POLK: variants seen among roughly 807,000 people sequenced by gnomAD.
POLK encodes the protein DNA polymerase kappa.
A neutral mutation model predicts 94.0 loss-of-function variants in POLK; 76 were observed. The ratio of observed to expected loss-of-function variants is 0.81; its 90% confidence interval spans 0.67 to 0.98. The LOEUF is 0.98. Ranked by LOEUF, POLK falls within the 50% of genes least tolerant of loss-of-function variation. POLK has a pLI of 0.00. For synonymous variants in POLK, 349 were observed against 325.4 expected (o/e 1.07, Z -0.78); for missense variants, 954 against 1,010.1 (o/e 0.94, Z 0.75).
intron 4 of POLK, among the ~76,000 whole-genome samples, chr5:75,570,433 A>G (rs377670103): frequency 6.6e-6 from 1 of 152,210 alleles, no homozygotes; most frequent in African/African-American, 2.4e-5. Flanking sequence ...ATTTATTACT[A>G]TTGTTGCACT....
intron 1 of POLK, among the ~76,000 whole-genome samples, chr5:75,523,995 T>G (rs138797731): frequency 0.012 from 1,834 of 152,146 alleles, 36 homozygotes; most frequent in African/African-American, 0.043. Context: ...CCAGATGTGC[T>G]GGCGGGCACC....
intron 1 of POLK, among the ~76,000 whole-genome samples, chr5:75,542,066 A>G (rs1281434337): frequency 6.6e-6 from 1 of 152,230 alleles, no homozygotes; most frequent in Non-Finnish European, 1.5e-5. Context: ...ATTTAAATTT[A>G]TAGAGAATAA....
downstream of POLK, among the ~76,000 whole-genome samples, chr5:75,604,836 T>C (rs187801755): frequency 1.3e-5 from 2 of 152,342 alleles, no homozygotes; most frequent in African/African-American, 4.8e-5. Context: ...TAAGGACTAA[T>C]CGCTTTTGCT....
downstream of POLK, among the ~76,000 whole-genome samples, chr5:75,603,455 A>G (rs1469721899): frequency 6.6e-6 from 1 of 151,416 alleles, no homozygotes. Flanking sequence ...AGTTTTCAAA[A>G]GCTCTCAACT....
upstream of POLK, among the ~76,000 whole-genome samples, chr5:75,510,954 C>G (rs773907329): frequency 3.3e-5 from 5 of 152,172 alleles, no homozygotes; most frequent in South Asian, 1.0e-3. Flanking sequence ...AGGACAGTGC[C>G]CCTATATCCC....
At chr5:75,555,669 T>G (rs939936646) in intron 3 of POLK, among the ~76,000 whole-genome samples, 1 of 151,922 alleles carries the variant, frequency 6.6e-6, no homozygotes, top group African/African-American at 2.4e-5. Context: ...TCCCTCGGCC[T>G]CCCGAGTAGC....
chr5:75,511,621 C>T (rs1768011983), upstream of POLK: 1 of 1,476,984 alleles, frequency 6.8e-7, no homozygotes, highest in Non-Finnish European at 9.0e-7. Flanking sequence ...CCTGCCTGGC[C>T]CACTATTTAC....
chr5:75,600,636 G>A (rs1773276226), exon 15 of POLK: 1 of 152,112 alleles, frequency 6.6e-6, no homozygotes, highest in South Asian at 2.1e-4. Flanking sequence ...CCAAAAGTTA[G>A]AAATGAACCA....
intron 1 of POLK, among the ~76,000 whole-genome samples, chr5:75,540,283 ATT>A (rs1394796650): frequency 6.3e-5 from 9 of 143,402 alleles, no homozygotes; most frequent in African/African-American, 7.6e-5. Flanking sequence ...TTCTGTTGTA[ATT>A]TTTTTTTTTT....
exon 7 of POLK, chr5:75,581,433 C>A (rs1772187628): frequency 6.2e-7 from 1 of 1,613,526 alleles, no homozygotes; most frequent in East Asian, 2.2e-5. Context: ...GAAAACAACA[C>A]TGACAGCCAG....
At position 75,559,505 on chromosome 5, in the gene POLK, G is replaced by GTTTTTTTTTTTTTT. The variant is rs1561371144; in HGVS notation, c.255+6921_255+6922insTTTTTTTTTTTTTT. ...TTGGCAATTTATTGATTTGGGGTTTGTTTTTTTGTTTTGTTTTGTTTTTTT... is the reference window on the plus strand; with the variant it reads ...TTGGCAATTTATTGATTTGGGGTTTGTTTTTTTTTTTTTTTTTTTTTGTTTTGTTTTGTTTTTTT... On this transcript the variant is annotated intron_variant, in intron 3 of 14. Transcript: ENST00000241436. 3.1e-4 allele frequency among the ~76,000 whole-genome samples: 22 copies of GTTTTTTTTTTTTTT among 70,108 alleles called. 2 individuals carry two copies. The highest frequency in any genetic ancestry group is 4.6e-4 in the Non-Finnish European group (14 of 30,228). The allele number at this position is 70,108 out of a possible 152,430, so 46.0% of individuals were successfully genotyped here.
At position 75,511,802 on chromosome 5, in the gene POLK, C is replaced by A. The variant is rs1402147343; in HGVS notation, c.-126C>A. 24 of 1,551,414 alleles carry A rather than the reference C, an allele frequency of 1.5e-5. No individual in the cohort carries two copies. The highest frequency in any genetic ancestry group is 2.1e-5 in the Non-Finnish European group (24 of 1,146,866). ...ACGACGGGTAGAAAAGCAGGAGGAGCGGAGAAAGGAGAGGGCGGGGTAGGG... is the reference window on the plus strand; with the variant it reads ...ACGACGGGTAGAAAAGCAGGAGGAGAGGAGAAAGGAGAGGGCGGGGTAGGG... On this transcript the variant is annotated 5_prime_UTR_variant, in exon 1 of 15. Coordinates refer to ENST00000241436, the Ensembl canonical transcript of POLK.
At chr5:75,575,461 A>G (rs1289529029) in intron 5 of POLK, among the ~76,000 whole-genome samples, 1 of 152,206 alleles carries the variant, frequency 6.6e-6, no homozygotes, top group Non-Finnish European at 1.5e-5. Flanking sequence ...GATTACAGGC[A>G]TGAGCCATCA....
chr5:75,596,958 T>C (rs2112898557), exon 13 of POLK: 1 of 1,613,758 alleles, frequency 6.2e-7, no homozygotes, highest in Non-Finnish European at 8.5e-7. Context: ...AAAACGAAGA[T>C]GTTGGATCAT....
At chr5:75,561,204 T>A (rs1363734672) in intron 3 of POLK, among the ~76,000 whole-genome samples, 1 of 152,214 alleles carries the variant, frequency 6.6e-6, no homozygotes, top group Non-Finnish European at 1.5e-5. Flanking sequence ...ATGATTGCCA[T>A]TCTAACTGGT....
chr5:75,598,895 G>A (rs956896526), exon 15 of POLK: 4 of 152,036 alleles, frequency 2.6e-5, no homozygotes, highest in African/African-American at 9.7e-5. Flanking sequence ...ATAGTAGTTA[G>A]CTTAAGTAGT....
intron 10 of POLK, 104 bp downstream of exon 10, chr5:75,587,162 C>A: frequency 1.4e-6 from 1 of 699,850 alleles, no homozygotes; most frequent in Non-Finnish European, 2.4e-6. Context: ...AATCTATTTG[C>A]AAATTACTAT....
At chr5:75,543,540 T>C (rs1166983508) in intron 1 of POLK, among the ~76,000 whole-genome samples, 2 of 152,046 alleles carry the variant, frequency 1.3e-5, no homozygotes, top group Non-Finnish European at 2.9e-5. Flanking sequence ...ATGGAGCTGG[T>C]TGGAGGGGAT....
At chr5:75,583,632 A>T (rs1447853352) in intron 8 of POLK, among the ~76,000 whole-genome samples, 1 of 152,194 alleles carries the variant, frequency 6.6e-6, no homozygotes, top group Non-Finnish European at 1.5e-5. Context: ...TTAAGAAAGT[A>T]ATAATCAGAT....
Sources: gnomAD v4.1 joint callset for allele counts (sites outside exome capture counted in the v4.1 genomes callset) on GRCh38, gnomAD v4.1.1 for gene constraint, MANE v1.5 for transcripts, NCBI Gene and HGNC (gene_info 2026-07-23, HGNC 2026-07-21) for gene names.